AHRR: variants seen among roughly 807,000 people sequenced by gnomAD.
The protein encoded by AHRR is ahR repressor.
AHRR carries 28 observed loss-of-function variants against 44.0 expected under a neutral mutation model. The observed-to-expected ratio is 0.64, with a 90% CI of 0.47 to 0.87. The LOEUF (loss-of-function observed/expected upper bound fraction) is 0.87. AHRR is among the 40% of genes least tolerant of loss of function. The pLI, the probability that AHRR is intolerant of heterozygous loss-of-function variation, is 0.00. For synonymous variants in AHRR, 434 were observed against 407.0 expected, an observed-to-expected ratio of 1.07 and a Z score of -0.80; for missense variants, 990 against 953.9, an observed-to-expected ratio of 1.04 and a Z score of -0.50.
chr5:401,135 C>T (rs1378790776), intron 4 of AHRR, among the ~76,000 whole-genome samples: 1 of 152,252 alleles, frequency 6.6e-6, no homozygotes, highest in Non-Finnish European at 1.5e-5. Flanking sequence ...GGCTGCTTCA[C>T]GTTCTCACCT....
intron 10 of AHRR, among the ~76,000 whole-genome samples, 163 bp from the exon 11 acceptor site, chr5:433,690 G>GC (rs952787645): frequency 7.3e-6 from 1 of 137,532 alleles, no homozygotes; most frequent in Non-Finnish European, 1.7e-5. Context: ...CTCCTGGGCT[G>GC]CTGGGGGGGT....
intron 4 of AHRR, among the ~76,000 whole-genome samples, chr5:397,241 G>A (rs1163998865): frequency 1.1e-5 from 1 of 86,964 alleles, no homozygotes; most frequent in Non-Finnish European, 2.2e-5. Flanking sequence ...GACCATCCAC[G>A]TAGCCCCTGA....
intron 7 of AHRR, among the ~76,000 whole-genome samples, chr5:424,604 A>G (rs1736303696): frequency 6.6e-6 from 1 of 152,158 alleles, no homozygotes; most frequent in Non-Finnish European, 1.5e-5. Context: ...AAAACTCTGC[A>G]GTAGGTTTAT....
At chr5:376,551 A>AGAACCGTGGGGGGAACGCGGGGAAACAC in intron 3 of AHRR, 59 bp from the exon 4 acceptor site, 1 of 1,401,308 alleles carries the variant, frequency 7.1e-7, no homozygotes, top group Non-Finnish European at 9.6e-7. Flanking sequence ...GATGTGAATG[A>AGAACCGTGGGGGGAACGCGGGGAAACAC]AGAAGAGTGG....
chr5:331,546 A>G (rs990637916), intron 1 of AHRR, among the ~76,000 whole-genome samples: 3 of 152,294 alleles, frequency 2.0e-5, no homozygotes, highest in African/African-American at 7.2e-5. Context: ...TTTGAGGCAC[A>G]TAATTAGATT....
chr5:424,391 G>A lies in AHRR; in HGVS notation c.708+414G>A, dbSNP rs548902615. Among the ~76,000 whole-genome samples, 42 of 121,186 alleles carry A rather than the reference G, an allele frequency of 3.5e-4. No homozygotes were observed. In the East Asian group the frequency reaches 6.0e-3, roughly 17 times the overall value. 79.5% of individuals were successfully genotyped at this position (121,186 alleles called of 152,430 possible). Reference sequence around the variant, plus strand: ...GGGTGTTAACCCATGTGTCCCTGGTGGGGGGGCGAGGGCCGGTGCTGAGCT... The same window carrying A: ...GGGTGTTAACCCATGTGTCCCTGGTAGGGGGGCGAGGGCCGGTGCTGAGCT... On this transcript the variant is annotated intron_variant, in intron 7 of 10. Transcript: ENST00000684583.
chr5:346,912 C>T (rs1742698904), intron 2 of AHRR, among the ~76,000 whole-genome samples: 1 of 152,148 alleles, frequency 6.6e-6, no homozygotes, highest in Admixed American at 6.5e-5. Context: ...GTCCACGAAA[C>T]AGGAACGAGT....
At chr5:352,082 C>T (rs948601069) in intron 2 of AHRR, among the ~76,000 whole-genome samples, 1 of 152,250 alleles carries the variant, frequency 6.6e-6, no homozygotes, top group Admixed American at 6.5e-5. Context: ...CCCATGCATT[C>T]CCAGTGGACT....
intron 7 of AHRR, among the ~76,000 whole-genome samples, chr5:425,864 C>T (rs1462690433): frequency 6.6e-6 from 1 of 152,222 alleles, no homozygotes; most frequent in African/African-American, 2.4e-5. Context: ...CAGAATACAC[C>T]AAGACCCTGC....
intron 1 of AHRR, chr5:343,627 C>CCTGG: frequency 2.1e-6 from 1 of 467,976 alleles, no homozygotes; most frequent in Non-Finnish European, 3.8e-6. Context: ...GGCTCCAGAG[C>CCTGG]AGGCGGCTTC....
intron 4 of AHRR, among the ~76,000 whole-genome samples, chr5:382,170 C>G (rs142337759): frequency 6.6e-6 from 1 of 152,142 alleles, no homozygotes; most frequent in Admixed American, 6.5e-5. Flanking sequence ...ATCATGGTAA[C>G]GCTGGCTTCT....
At chr5:398,063 G>A (rs868181093) in intron 4 of AHRR, among the ~76,000 whole-genome samples, 203 of 98,678 alleles carry the variant, frequency 2.1e-3, no homozygotes, top group Non-Finnish European at 3.0e-3. Flanking sequence ...GACCATCCAC[G>A]TAGCTCCTGA....
chr5:337,514 G>A lies in AHRR; in HGVS notation c.-10-6379G>A, dbSNP rs1473089759. On this transcript the variant is annotated intron_variant, in intron 1 of 10. Transcript: ENST00000684583. This position sits in a 1 kb window ranked among gnomAD's most constrained non-coding sequence, Gnocchi z 4.1. ...CTGCCTTAGTCTCCTGAGTAGCTGA[G>A]ACTACAGACATGCGCCACCATGCTT... Among the ~76,000 whole-genome samples the A allele has an allele frequency of 2.6e-5, 4 of 152,146 alleles. No individual in the cohort carries two copies. Among genetic ancestry groups the A allele is most frequent in the Non-Finnish European group, 1.5e-5 (1 of 68,032 alleles).
chr5:384,298 C>T (rs1385444802), intron 4 of AHRR, among the ~76,000 whole-genome samples: 1 of 152,010 alleles, frequency 6.6e-6, no homozygotes, highest in African/African-American at 2.4e-5. Context: ...TATATAAATC[C>T]TACTTTACAA....
At position 406,584 on chromosome 5, in the gene AHRR, A is replaced by G. The variant is rs1735269304; in HGVS notation, c.352-6760A>G. 6.6e-6 allele frequency among the ~76,000 whole-genome samples: 1 copy of G among 152,234 alleles called. No homozygotes were observed. The highest frequency in any genetic ancestry group is 2.4e-5 in the African/African-American group (1 of 41,458). ...ACTCAAGCTGGTTAGGCTATTCAAG[A>G]ACATAGAAAGGGATAGAAAGCTGTT... On this transcript the variant is annotated intron_variant, in intron 4 of 10. Coordinates refer to ENST00000684583, the MANE Select transcript of AHRR (RefSeq NM_001377236.1). The surrounding 1 kb of genome is among the most constrained non-coding windows in gnomAD (Gnocchi z 4.7).
At chr5:389,149 T>C (rs1373441500) in intron 4 of AHRR, among the ~76,000 whole-genome samples, 1 of 59,970 alleles carries the variant, frequency 1.7e-5, no homozygotes, top group East Asian at 5.5e-4. Flanking sequence ...GACGATGCCC[T>C]GGCGGAGGGG....
At chr5:362,158 G>A (rs753886358) in intron 3 of AHRR, among the ~76,000 whole-genome samples, 17 of 152,260 alleles carry the variant, frequency 1.1e-4, no homozygotes, top group Admixed American at 3.9e-4. Flanking sequence ...GAGAGACATC[G>A]GAGGGCTCAC....
chr5:330,223 C>T (rs1210065068), intron 1 of AHRR, among the ~76,000 whole-genome samples: 3 of 152,076 alleles, frequency 2.0e-5, no homozygotes, highest in Non-Finnish European at 2.9e-5. Flanking sequence ...TTGAGTTGAT[C>T]GTATGGTTTT....
intron 4 of AHRR, among the ~76,000 whole-genome samples, chr5:389,714 G>A (rs1478671362): frequency 1.3e-5 from 2 of 151,988 alleles, no homozygotes; most frequent in Non-Finnish European, 2.9e-5. Context: ...GAAAGGACCA[G>A]GGCGCAGATA....
Sources: gnomAD v4.1 joint callset for allele counts (sites outside exome capture counted in the v4.1 genomes callset) on GRCh38, gnomAD v4.1.1 for gene constraint, Gnocchi (gnomAD v3.1) non-coding constraint, MANE v1.5 for transcripts, NCBI Gene and HGNC (gene_info 2026-07-23, HGNC 2026-07-21) for gene names.